The following CACNA2D2 variants were observed in gnomAD, a reference collection of about 807,000 sequenced individuals.
CACNA2D2 encodes calcium voltage-gated channel auxiliary subunit alpha2delta 2.
Under a neutral mutation model 166.4 loss-of-function variants are expected in CACNA2D2, and 48 were observed. That is an observed-to-expected ratio of 0.29 (90% confidence interval 0.23 to 0.37). The LOEUF (loss-of-function observed/expected upper bound fraction) is 0.37. Among genes scored for constraint, CACNA2D2 ranks in the 10% least tolerant of loss-of-function variants. The probability of loss-of-function intolerance (pLI) is 1.00; values close to 1 mark genes in which losing one functional copy is unlikely to be tolerated. For synonymous variants in CACNA2D2, 561 were observed against 573.7 expected, an observed-to-expected ratio of 0.98 and a Z score of 0.32; for missense variants, 1,122 against 1,433.0, an observed-to-expected ratio of 0.78 and a Z score of 3.50.
chr3:50,380,794 G>A lies in CACNA2D2; in HGVS notation c.796C>T (p.Arg266Ter), dbSNP rs1553730393. The A allele has an allele frequency of 3.9e-6, 6 of 1,544,430 alleles. No individual in the cohort carries two copies. The highest frequency in any genetic ancestry group is 1.2e-5 in the South Asian group (1 of 80,520). Residue 266 changes from arginine (R) to a stop codon, truncating the protein, a stop_gained, in exon 8 of 38, where the codon CGA becomes TGA. Transcript: ENST00000424201. LOFTEE classifies it high-confidence loss of function. The surrounding 1 kb of genome is among the most constrained non-coding windows in gnomAD (Gnocchi z 4.9). Reference sequence around the variant, plus strand: ...TACAGGTCGATCTTCTTGGGGGCTCGCCACGGGGTGGCTGAGGGAGGAGAG... The same window carrying A: ...TACAGGTCGATCTTCTTGGGGGCTCACCACGGGGTGGCTGAGGGAGGAGAG... ...VTRYYPATPW[R>*]APKKIDLYDV...
intron 3 of CACNA2D2, among the ~76,000 whole-genome samples, chr3:50,413,664 T>C (rs1034384152): frequency 2.6e-5 from 4 of 152,090 alleles, no homozygotes; most frequent in African/African-American, 9.7e-5. Flanking sequence ...CTGGCCAACA[T>C]GGCGAAACCC....
intron 2 of CACNA2D2, among the ~76,000 whole-genome samples, chr3:50,447,547 TC>T (rs1708910489): frequency 6.6e-6 from 1 of 151,920 alleles, no homozygotes; most frequent in Non-Finnish European, 1.5e-5. Flanking sequence ...GGAGCTAGGT[TC>T]CCCCCTGCCC....
intron 2 of CACNA2D2, among the ~76,000 whole-genome samples, chr3:50,437,852 G>C (rs1447861017): frequency 1.3e-5 from 2 of 152,194 alleles, no homozygotes; most frequent in African/African-American, 4.8e-5. Flanking sequence ...ACCGGATGCA[G>C]AGCCTCAACC....
intron 1 of CACNA2D2, among the ~76,000 whole-genome samples, chr3:50,484,079 G>GA (rs1402630954): frequency 3.3e-5 from 5 of 152,080 alleles, no homozygotes; most frequent in Non-Finnish European, 7.3e-5. Flanking sequence ...GATCCTGACG[G>GA]TCCCTTGGGA....
In CACNA2D2 at chr3:50,372,078, G is replaced by A. The variant is rs1704681844; in HGVS notation, c.1985-1698C>T. ...TGGCTCTCCATGCCCCATCTGCCCAGGGATTCCCTGGGAGAGGTGGCTCTC... is the reference window on the plus strand; with the variant it reads ...TGGCTCTCCATGCCCCATCTGCCCAAGGATTCCCTGGGAGAGGTGGCTCTC... On this transcript the variant is annotated intron_variant, in intron 22 of 37. Transcript: ENST00000424201. Among the ~76,000 whole-genome samples, 5 of 152,088 alleles carry A rather than the reference G, an allele frequency of 3.3e-5. No homozygotes were observed. In the South Asian group the frequency reaches 1.0e-3, roughly 32 times the overall value.
chr3:50,370,203 CG>C, intron 23 of CACNA2D2, 116 bp downstream of exon 23: 2 of 731,636 alleles, frequency 2.7e-6, no homozygotes, highest in South Asian at 1.6e-5. Context: ...GTATGGGGGC[CG>C]GGGGATGACA....
At chr3:50,404,957 G>A (rs1706629189) in intron 3 of CACNA2D2, among the ~76,000 whole-genome samples, 4 of 152,188 alleles carry the variant, frequency 2.6e-5, no homozygotes, top group African/African-American at 4.8e-5. Context: ...AAAGCTGAGA[G>A]TGAGACCCCA....
chr3:50,435,829 G>A (rs1282013987), intron 2 of CACNA2D2, among the ~76,000 whole-genome samples: 4 of 152,174 alleles, frequency 2.6e-5, no homozygotes, highest in Non-Finnish European at 4.4e-5. Flanking sequence ...TTGTGGTGAA[G>A]TCGCTCCTTC....
chr3:50,396,443 C>T (rs1448531111), intron 3 of CACNA2D2, among the ~76,000 whole-genome samples: 3 of 152,212 alleles, frequency 2.0e-5, no homozygotes, highest in African/African-American at 7.2e-5. Context: ...AAAGGCACAA[C>T]CTTCTCCAGG....
chr3:50,491,664 C>T (rs1298502664), intron 1 of CACNA2D2, among the ~76,000 whole-genome samples: 2 of 152,182 alleles, frequency 1.3e-5, no homozygotes, highest in Non-Finnish European at 2.9e-5. Context: ...CCAGTTCCAG[C>T]ATGTGACTGG....
At chr3:50,473,485 C>T (rs1310075480) in intron 2 of CACNA2D2, among the ~76,000 whole-genome samples, 2 of 152,202 alleles carry the variant, frequency 1.3e-5, no homozygotes, top group Non-Finnish European at 2.9e-5. Context: ...TCAGAATCAG[C>T]TCAAGGAGGG....
rs545501975 is a variant in CACNA2D2 at position 50,488,992 on chromosome 3, G to A, written c.207-12793C>T. Among the ~76,000 whole-genome samples, 412 of 152,214 alleles carry A rather than the reference G, an allele frequency of 2.7e-3. 2 individuals are homozygous for A. Among genetic ancestry groups the A allele is most frequent in the African/African-American group, 9.2e-3 (382 of 41,536 alleles). ...TGGGATTATAGGCATGAGCCACCGC[G>A]CACGTCCTTCCTGGTGTTTTCTGAC... is the stretch of plus-strand genomic sequence containing the variant. On this transcript the variant is annotated intron_variant, in intron 1 of 37. Coordinates refer to ENST00000424201, the MANE Select transcript of CACNA2D2 (RefSeq NM_006030.4).
rs369080326 is a variant in CACNA2D2, at chr3:50,407,221, T to G, written c.406-13053A>C. Among the ~76,000 whole-genome samples, 190 of 151,942 alleles carry G rather than the reference T, an allele frequency of 1.3e-3. 1 individual carries two copies. The highest frequency in any genetic ancestry group is 4.2e-3 in the African/African-American group (175 of 41,558). On this transcript the variant is annotated intron_variant, in intron 3 of 37. Transcript: ENST00000424201. ...AGGGGGAGCTGAGGCCTGGAAGGACTGTCAGGCCACTGTACCATTAGGGAC... is the reference window on the plus strand; with the variant it reads ...AGGGGGAGCTGAGGCCTGGAAGGACGGTCAGGCCACTGTACCATTAGGGAC...
chr3:50,374,842 T>C, intron 21 of CACNA2D2, 29 bp from the exon 22 acceptor site: 1 of 1,546,732 alleles, frequency 6.5e-7, no homozygotes, highest in East Asian at 2.4e-5. Context: ...GGGTCACGGC[T>C]GGGGGGAGGC....
chr3:50,372,610 G>A lies in CACNA2D2; in HGVS notation c.1984+2127C>T, dbSNP rs2236949. 0.054 allele frequency among the ~76,000 whole-genome samples: 8,147 copies of A among 152,252 alleles called. 1,542 individuals carry two copies. In the East Asian group the frequency reaches 0.6, roughly 11 times the overall value. On this transcript the variant is annotated intron_variant, in intron 22 of 37. Coordinates refer to ENST00000424201, the MANE Select transcript of CACNA2D2 (RefSeq NM_006030.4). Reference sequence around the variant, plus strand: ...GATCAGAGGAGGGAGAGCTACCTCAGAGTAGGCCTTGTGGGCTGGCCCCTT... The same window carrying A: ...GATCAGAGGAGGGAGAGCTACCTCAAAGTAGGCCTTGTGGGCTGGCCCCTT...
chr3:50,467,585 G>C (rs1275094256), intron 2 of CACNA2D2, among the ~76,000 whole-genome samples: 1 of 152,202 alleles, frequency 6.6e-6, no homozygotes, highest in African/African-American at 2.4e-5. Context: ...GCCTGCGTGT[G>C]TGCATAGCCT....
At chr3:50,389,920 T>C (rs1244200923) in intron 4 of CACNA2D2, among the ~76,000 whole-genome samples, 6 of 150,898 alleles carry the variant, frequency 4.0e-5, no homozygotes. Context: ...GCACACAAGG[T>C]CATACATGTG....
intron 2 of CACNA2D2, among the ~76,000 whole-genome samples, chr3:50,470,051 A>C (rs1158425305): frequency 1.3e-5 from 2 of 152,308 alleles, no homozygotes; most frequent in East Asian, 3.9e-4. Flanking sequence ...GCCTCCACAG[A>C]AACCTGGGGG....
At chr3:50,495,731 G>A (rs1228154044) in intron 1 of CACNA2D2, among the ~76,000 whole-genome samples, 3 of 152,176 alleles carry the variant, frequency 2.0e-5, no homozygotes, top group Non-Finnish European at 4.4e-5. Flanking sequence ...CAAATGAGAA[G>A]CACCCACTCT....
Sources: gnomAD v4.1 joint callset for allele counts (sites outside exome capture counted in the v4.1 genomes callset) on GRCh38, gnomAD v4.1.1 for gene constraint, Gnocchi (gnomAD v3.1) non-coding constraint, MANE v1.5 for transcripts, NCBI Gene and HGNC (gene_info 2026-07-23, HGNC 2026-07-21) for gene names.